Variants in EPHA6 observed in about 807,000 individuals in gnomAD.
EPHA6 encodes the protein ephrin type-A receptor 6.
A neutral mutation model predicts 112.0 loss-of-function variants in EPHA6; 50 were observed. The observed-to-expected ratio is 0.45, with a 90% CI of 0.36 to 0.56. The LOEUF (loss-of-function observed/expected upper bound fraction) is 0.56. EPHA6 is among the 20% of genes least tolerant of loss of function. The pLI, the probability that EPHA6 is intolerant of heterozygous loss-of-function variation, is 0.00. For synonymous variants in EPHA6, 529 were observed against 490.7 expected (o/e 1.08, Z -1.03); for missense variants, 1,280 against 1,417.4 (o/e 0.90, Z 1.56).
At chr3:96,930,475 T>C (rs2040255290) in intron 2 of EPHA6, among the ~76,000 whole-genome samples, 2 of 152,230 alleles carry the variant, frequency 1.3e-5, no homozygotes, top group Non-Finnish European at 2.9e-5. Flanking sequence ...CAGGTTGCTG[T>C]GGGTCCCCTC....
At chr3:96,828,103 A>G (rs1174542274) in intron 1 of EPHA6, among the ~76,000 whole-genome samples, 1 of 152,066 alleles carries the variant, frequency 6.6e-6, no homozygotes. Flanking sequence ...AGAGAGAAAT[A>G]AAAGTTCTCT....
intron 5 of EPHA6, among the ~76,000 whole-genome samples, chr3:97,330,696 C>G (rs1409162600): frequency 1.4e-4 from 22 of 152,108 alleles, no homozygotes; most frequent in Admixed American, 1.4e-3. Flanking sequence ...GAAGAGCTAA[C>G]TATCCTAAAT....
At chr3:97,054,534 A>T (rs2045790820) in intron 3 of EPHA6, among the ~76,000 whole-genome samples, 1 of 152,088 alleles carries the variant, frequency 6.6e-6, no homozygotes, top group Admixed American at 6.6e-5. Flanking sequence ...AAATATGACA[A>T]AAAAATCACT....
At chr3:97,449,060 A>C (rs16838655) in intron 7 of EPHA6, among the ~76,000 whole-genome samples, 3,423 of 152,256 alleles carry the variant, frequency 0.022, 121 homozygotes, top group African/African-American at 0.075. Context: ...AGCCGTGAAC[A>C]AATGGTTTAA....
chr3:97,399,755 CT>C (rs1346686949), intron 5 of EPHA6, among the ~76,000 whole-genome samples: 14 of 151,644 alleles, frequency 9.2e-5, no homozygotes, highest in Admixed American at 2.6e-4. Context: ...CTATTTAGAT[CT>C]TTTGCCCATT....
chr3:97,298,448 A>T (rs1576876930), intron 5 of EPHA6, among the ~76,000 whole-genome samples: 1 of 152,326 alleles, frequency 6.6e-6, no homozygotes, highest in Admixed American at 6.5e-5. Flanking sequence ...TTTCTAGGAC[A>T]TGGGGACAAC....
chr3:97,616,667 A>G (rs1201862009), intron 13 of EPHA6, among the ~76,000 whole-genome samples: 1 of 152,178 alleles, frequency 6.6e-6, no homozygotes, highest in Non-Finnish European at 1.5e-5. Context: ...TAGACCAAAT[A>G]GAGGGAAGAA....
intron 3 of EPHA6, among the ~76,000 whole-genome samples, chr3:97,123,020 C>A (rs1200926305): frequency 2.0e-5 from 3 of 151,878 alleles, no homozygotes; most frequent in Non-Finnish European, 4.4e-5. Context: ...ATTATTTTAT[C>A]TGATTTATAT....
rs563028767 is a variant in EPHA6, at chr3:97,563,124, T to A, written c.2387-29488T>A. On this transcript the variant is annotated intron_variant, in intron 11 of 17. Coordinates refer to ENST00000389672, the MANE Select transcript of EPHA6 (RefSeq NM_001080448.3). ...GTGGTCTGAAACCAAACCCACAGTA[T>A]CTCTGAGGTATTCTTGTAATGCGTA... 2.6e-5 allele frequency among the ~76,000 whole-genome samples: 4 copies of A among 152,228 alleles called. No homozygotes were observed. In the East Asian group the frequency reaches 7.7e-4, roughly 29 times the overall value.
chr3:97,622,828 C>T (rs111991532), intron 13 of EPHA6, among the ~76,000 whole-genome samples: 22 of 151,622 alleles, frequency 1.5e-4, no homozygotes, highest in East Asian at 7.7e-4. Flanking sequence ...GGTGTCTCAA[C>T]GAAGTTTTAA....
intron 1 of EPHA6, among the ~76,000 whole-genome samples, chr3:96,819,926 A>G (rs1576046715): frequency 6.6e-6 from 1 of 152,152 alleles, no homozygotes; most frequent in African/African-American, 2.4e-5. Flanking sequence ...TGAAGCAACA[A>G]AGACACTGAG....
At chr3:97,003,581 A>G (rs1398042193) in intron 3 of EPHA6, among the ~76,000 whole-genome samples, 1 of 152,176 alleles carries the variant, frequency 6.6e-6, no homozygotes, top group African/African-American at 2.4e-5. Context: ...TAGGATACAA[A>G]TTAGGATTTT....
chr3:97,375,735 C>A (rs1037428035), intron 5 of EPHA6, among the ~76,000 whole-genome samples: 2 of 152,044 alleles, frequency 1.3e-5, no homozygotes, highest in Middle Eastern at 6.3e-3. Context: ...TAATGGAATA[C>A]TACTCAGCAA....
chr3:96,894,162 C>T (rs1267734569), intron 2 of EPHA6, among the ~76,000 whole-genome samples: 1 of 152,128 alleles, frequency 6.6e-6, no homozygotes, highest in East Asian at 1.9e-4. Flanking sequence ...GCACAGAAAA[C>T]ACCTCAGGGT....
chr3:97,056,370 C>T (rs751781211), intron 3 of EPHA6, among the ~76,000 whole-genome samples: 3 of 152,156 alleles, frequency 2.0e-5, no homozygotes, highest in Non-Finnish European at 4.4e-5. Flanking sequence ...CTTGGAATTA[C>T]AAGTCTCTTC....
At chr3:96,967,095 A>G (rs920124737) in intron 2 of EPHA6, among the ~76,000 whole-genome samples, 4 of 151,654 alleles carry the variant, frequency 2.6e-5, no homozygotes, top group Non-Finnish European at 5.9e-5. Flanking sequence ...TTCATTGATA[A>G]TCCCCTCTTT....
At chr3:97,149,331 C>A (rs2076115417) in intron 3 of EPHA6, among the ~76,000 whole-genome samples, 1 of 152,102 alleles carries the variant, frequency 6.6e-6, no homozygotes, top group Admixed American at 6.6e-5. Flanking sequence ...GGATGCTTGG[C>A]AATCGTGTTT....
chr3:97,611,019 T>C (rs1192331778), intron 13 of EPHA6, among the ~76,000 whole-genome samples, 165 bp downstream of exon 13: 1 of 151,636 alleles, frequency 6.6e-6, no homozygotes, highest in Non-Finnish European at 1.5e-5. Context: ...TACATTAGAG[T>C]GTTACTAAGG....
At chr3:97,126,284 A>T (rs1176667534) in intron 3 of EPHA6, among the ~76,000 whole-genome samples, 1 of 152,158 alleles carries the variant, frequency 6.6e-6, no homozygotes, top group Non-Finnish European at 1.5e-5. Flanking sequence ...CTTGTCTCAG[A>T]ATCCACAACA....
Sources: gnomAD v4.1 joint callset for allele counts (sites outside exome capture counted in the v4.1 genomes callset) on GRCh38, gnomAD v4.1.1 for gene constraint, MANE v1.5 for transcripts, NCBI Gene and HGNC (gene_info 2026-07-23, HGNC 2026-07-21) for gene names.